Variants in ARHGAP22 observed in about 807,000 individuals in gnomAD.
The protein encoded by ARHGAP22 is rho GTPase-activating protein 22.
A neutral mutation model predicts 59.1 loss-of-function variants in ARHGAP22; 48 were observed. That is an observed-to-expected ratio of 0.81 (90% CI 0.64 to 1.03). The LOEUF is 1.03. Ranked by LOEUF, ARHGAP22 falls within the 50% of genes least tolerant of loss-of-function variation. The probability of loss-of-function intolerance (pLI) is 0.00; values close to 1 mark genes in which losing one functional copy is unlikely to be tolerated. For synonymous variants in ARHGAP22, 445 were observed against 416.4 expected (o/e 1.07, Z -0.84); for missense variants, 1,015 against 958.7 (o/e 1.06, Z -0.78).
At chr10:48,651,472 A>T in intron 1 of ARHGAP22, among the ~76,000 whole-genome samples, 1 of 151,410 alleles carries the variant, frequency 6.6e-6, no homozygotes, top group Non-Finnish European at 1.5e-5. Flanking sequence ...AACAAGCCGA[A>T]TCCTCACCTG....
At chr10:48,442,035 G>T (rs1453396848), downstream of ARHGAP22, among the ~76,000 whole-genome samples, 1 of 152,192 alleles carries the variant, frequency 6.6e-6, no homozygotes, top group Non-Finnish European at 1.5e-5. Context: ...AATGACTAGA[G>T]CGTATCCTTT....
chr10:48,619,058 G>C (rs562558944), intron 1 of ARHGAP22, among the ~76,000 whole-genome samples: 1 of 151,674 alleles, frequency 6.6e-6, no homozygotes, highest in African/African-American at 2.4e-5. Flanking sequence ...CACCAAAAAC[G>C]AACTAGTGGA....
intron 4 of ARHGAP22, among the ~76,000 whole-genome samples, chr10:48,478,239 G>A (rs950454556): frequency 6.6e-6 from 1 of 152,194 alleles, no homozygotes; most frequent in Admixed American, 6.5e-5. Context: ...CATTAATCTA[G>A]GGCCCTAAGT....
chr10:48,579,357 C>T (rs758400628), intron 2 of ARHGAP22, among the ~76,000 whole-genome samples: 1 of 152,178 alleles, frequency 6.6e-6, no homozygotes, highest in Non-Finnish European at 1.5e-5. Flanking sequence ...ACATTCCAAA[C>T]ACAAGCTAAA....
intron 1 of ARHGAP22, among the ~76,000 whole-genome samples, chr10:48,651,573 C>G (rs970863760): frequency 1.1e-4 from 16 of 151,906 alleles, no homozygotes; most frequent in Admixed American, 1.0e-3. Context: ...ACCCAATCAG[C>G]ACCTGTACAA....
intron 8 of ARHGAP22, 174 bp from the exon 9 acceptor site, chr10:48,451,314 CCAGGCAGGA>C: frequency 1.1e-6 from 1 of 881,416 alleles, no homozygotes; most frequent in Non-Finnish European, 1.8e-6. Context: ...CCCTCCAACT[CCAGGCAGGA>C]CAGCAGGATG....
At chr10:48,644,409 G>C (rs949562591) in intron 1 of ARHGAP22, among the ~76,000 whole-genome samples, 1 of 152,158 alleles carries the variant, frequency 6.6e-6, no homozygotes, top group African/African-American at 2.4e-5. Flanking sequence ...TAGAAGTCTT[G>C]AACAACAGTA....
At chr10:48,631,225 TTG>T (rs142197457) in intron 1 of ARHGAP22, among the ~76,000 whole-genome samples, 85,548 of 151,844 alleles carry the variant, frequency 0.56, 24,678 homozygotes, top group African/African-American at 0.69. Context: ...CATTAAGGAC[TTG>T]TTTACATCTA....
exon 1 of ARHGAP22, chr10:48,652,560 A>T (rs982794374): frequency 2.0e-6 from 1 of 493,132 alleles, no homozygotes; most frequent in African/African-American, 1.9e-5. Flanking sequence ...AGTTCCTCAA[A>T]TCTGTAAAAT....
At chr10:48,437,220 C>T in the ARHGAP22 span, 5 of 152,156 alleles carry the variant, frequency 3.3e-5, no homozygotes, top group Non-Finnish European at 7.4e-5. Flanking sequence ...ATCCTAAAAA[C>T]AAGGTCTCTT....
intron 1 of ARHGAP22, among the ~76,000 whole-genome samples, chr10:48,644,605 A>T (rs1214272799): frequency 6.6e-6 from 1 of 152,232 alleles, no homozygotes; most frequent in Non-Finnish European, 1.5e-5. Flanking sequence ...ATTAAATTAG[A>T]AATAACAACA....
In ARHGAP22 at chr10:48,542,792, T is replaced by C. The variant is rs112117904; in HGVS notation, c.322+12671A>G. On this transcript the variant is annotated intron_variant, in intron 3 of 9. Coordinates refer to ENST00000249601, the MANE Select transcript of ARHGAP22 (RefSeq NM_021226.4). ...TCCAGGTGCCTAGTGCATGGCAGAG[T>C]GGAGGCTGAACACCCTTGGGGGTGG... 4.1e-3 allele frequency among the ~76,000 whole-genome samples: 618 copies of C among 152,132 alleles called. 4 individuals carry two copies. The highest frequency in any genetic ancestry group is 0.014 in the African/African-American group (584 of 41,504).
intron 4 of ARHGAP22, among the ~76,000 whole-genome samples, chr10:48,463,121 C>A (rs537950720): frequency 3.3e-5 from 5 of 152,224 alleles, no homozygotes; most frequent in Admixed American, 2.0e-4. Flanking sequence ...CGTGGTGACA[C>A]CAGGCCTGAG....
intron 3 of ARHGAP22, among the ~76,000 whole-genome samples, chr10:48,498,735 C>A (rs986597532): frequency 6.6e-6 from 1 of 152,126 alleles, no homozygotes; most frequent in Non-Finnish European, 1.5e-5. Flanking sequence ...ATGACAAAAG[C>A]CAATCCAATA....
intron 2 of ARHGAP22, among the ~76,000 whole-genome samples, chr10:48,569,697 G>T (rs1177750198): frequency 6.6e-6 from 1 of 152,224 alleles, no homozygotes; most frequent in Non-Finnish European, 1.5e-5. Context: ...TAAATTAGCA[G>T]ATCCTGAGAG....
chr10:48,433,317 A>C, the ARHGAP22 span, among the ~76,000 whole-genome samples: 1 of 152,232 alleles, frequency 6.6e-6, no homozygotes, highest in African/African-American at 2.4e-5. Context: ...AGAGGCATAT[A>C]TAAAAATTGT....
chr10:48,514,868 C>A (rs1383938126), intron 3 of ARHGAP22, among the ~76,000 whole-genome samples: 2 of 152,076 alleles, frequency 1.3e-5, no homozygotes, highest in African/African-American at 4.8e-5. Flanking sequence ...AAGTATTAAT[C>A]TGAACTATAT....
intron 1 of ARHGAP22, among the ~76,000 whole-genome samples, chr10:48,612,586 T>C (rs1466497862): frequency 1.3e-5 from 2 of 152,256 alleles, no homozygotes; most frequent in African/African-American, 4.8e-5. Flanking sequence ...AAGAAGACTA[T>C]ACTTGTGCTT....
intron 1 of ARHGAP22, among the ~76,000 whole-genome samples, chr10:48,650,929 A>G (rs770583525): frequency 7.2e-5 from 11 of 152,182 alleles, no homozygotes; most frequent in Non-Finnish European, 1.6e-4. Flanking sequence ...AGGCCGGCCC[A>G]GGGGTCCTGG....
Sources: allele counts gnomAD v4.1 joint callset (sites outside exome capture counted in the v4.1 genomes callset), GRCh38; gene constraint gnomAD v4.1.1; transcripts MANE v1.5; gene names NCBI Gene and HGNC (gene_info 2026-07-23, HGNC 2026-07-21).